The following CNBD2 variants were observed in gnomAD, a reference collection of about 807,000 sequenced individuals.
CNBD2 encodes the protein cyclic nucleotide-binding domain-containing protein 2.
CNBD2 carries 64 observed loss-of-function variants against 63.7 expected under a neutral mutation model. The ratio of observed to expected loss-of-function variants is 1.00; its 90% CI spans 0.82 to 1.24. The LOEUF (loss-of-function observed/expected upper bound fraction) is 1.24. Among genes scored for constraint, CNBD2 ranks in the 50% most tolerant of loss-of-function variants. The pLI is 0.00. For missense variants in CNBD2, 691 were observed against 713.5 expected (o/e 0.97, Z 0.36); for synonymous variants, 229 against 255.4 (o/e 0.90, Z 0.99).
intron 10 of CNBD2, among the ~76,000 whole-genome samples, chr20:36,014,567 G>A (rs1227634507): frequency 1.3e-5 from 2 of 151,678 alleles, no homozygotes; most frequent in African/African-American, 4.8e-5. Flanking sequence ...CTGACCTCAT[G>A]GTCCACCCAC....
upstream of CNBD2, chr20:35,954,643 A>C: frequency 7.7e-7 from 1 of 1,291,026 alleles, no homozygotes; most frequent in Non-Finnish European, 1.0e-6. Flanking sequence ...GCTCCTTCCG[A>C]ATGGTGGCGC....
In CNBD2 at chr20:35,984,051, C is replaced by G. The variant is rs1225790776; in HGVS notation, c.477C>G (p.Gly159=). ...KGNSFYFIYL[G]TVAITKDEDG... is the part of the protein sequence containing the mutation. Reference sequence around the variant, plus strand: ...ACAGCTTTTATTTCATCTACCTGGGCACAGTTGCAATAACCAAGGACGAGG... The same window carrying G: ...ACAGCTTTTATTTCATCTACCTGGGGACAGTTGCAATAACCAAGGACGAGG... The change falls in exon 5 of 12, where the codon GGC becomes GGG. Residue 159 remains glycine, a synonymous_variant. Coordinates refer to ENST00000373973, the MANE Select transcript of CNBD2 (RefSeq NM_001365709.1). 1 of 1,614,190 alleles carries G rather than the reference C, an allele frequency of 6.2e-7. No individual in the cohort carries two copies. The highest frequency in any genetic ancestry group is 1.7e-5 in the Admixed American group (1 of 60,028).
chr20:36,014,154 G>T (rs1411109561), intron 10 of CNBD2, among the ~76,000 whole-genome samples: 1 of 138,900 alleles, frequency 7.2e-6, no homozygotes, highest in Non-Finnish European at 1.5e-5. Flanking sequence ...CTGCACTCCA[G>T]CCTAGGTGAC....
intron 9 of CNBD2, among the ~76,000 whole-genome samples, chr20:36,009,501 C>T (rs765684917): frequency 6.6e-6 from 1 of 151,630 alleles, no homozygotes; most frequent in Admixed American, 6.6e-5. Context: ...CACGCCCAAC[C>T]GACCCTATCT....
At chr20:36,008,198 C>A in intron 8 of CNBD2, 99 bp from the exon 9 acceptor site, 1 of 978,876 alleles carries the variant, frequency 1.0e-6, no homozygotes, top group Non-Finnish European at 1.5e-6. Context: ...TGTGCTAGAC[C>A]ATCCAGGCAG....
upstream of CNBD2, among the ~76,000 whole-genome samples, chr20:35,966,076 T>C (rs1353494868): frequency 6.6e-6 from 1 of 152,192 alleles, no homozygotes; most frequent in East Asian, 1.9e-4. Flanking sequence ...TCTTGCTTTC[T>C]CCAGGCCCAG....
At chr20:35,962,427 T>G (rs1344022341) in intron 2 of CNBD2, among the ~76,000 whole-genome samples, 2 of 152,020 alleles carry the variant, frequency 1.3e-5, no homozygotes, top group Non-Finnish European at 2.9e-5. Context: ...CCCAGCTAAT[T>G]TTTTTTGTAT....
At chr20:36,000,605 G>A (rs547727288) in intron 8 of CNBD2, among the ~76,000 whole-genome samples, 1 of 152,208 alleles carries the variant, frequency 6.6e-6, no homozygotes, top group East Asian at 1.9e-4. Flanking sequence ...TGTCACCCAG[G>A]CTGGAGTGCA....
chr20:35,980,033 G>A (rs2056574892), intron 3 of CNBD2, among the ~76,000 whole-genome samples: 3 of 152,308 alleles, frequency 2.0e-5, no homozygotes, highest in African/African-American at 4.8e-5. Flanking sequence ...CACTTTGCTT[G>A]TTAGTCTCCT....
intron 4 of CNBD2, among the ~76,000 whole-genome samples, chr20:35,981,109 AT>A (rs1035232201): frequency 9.2e-5 from 14 of 152,192 alleles, no homozygotes; most frequent in Non-Finnish European, 1.8e-4. Flanking sequence ...TCAGGGTGTG[AT>A]TGGTGGAAAA....
intron 3 of CNBD2, among the ~76,000 whole-genome samples, chr20:35,979,639 A>G (rs748285461): frequency 2.0e-5 from 3 of 152,244 alleles, no homozygotes; most frequent in African/African-American, 7.2e-5. Flanking sequence ...GCAAGAGCCT[A>G]CTGGGGAAGG....
intron 1 of CNBD2, among the ~76,000 whole-genome samples, chr20:35,970,886 T>G (rs1046150292): frequency 1.3e-5 from 2 of 152,096 alleles, no homozygotes; most frequent in African/African-American, 4.8e-5. Flanking sequence ...TAGCTAACGA[T>G]GTACTTTTCA....
intron 8 of CNBD2, among the ~76,000 whole-genome samples, chr20:36,003,529 C>G (rs895783345): frequency 6.6e-6 from 1 of 152,096 alleles, no homozygotes; most frequent in Non-Finnish European, 1.5e-5. Context: ...TTGTGTATTT[C>G]AGAATGCCCC....
chr20:36,029,640 AT>A (rs1294907111), intron 11 of CNBD2, among the ~76,000 whole-genome samples: 13 of 152,240 alleles, frequency 8.5e-5, no homozygotes, highest in Non-Finnish European at 1.8e-4. Context: ...GCTTGTAGCC[AT>A]GCTGACCTCT....
chr20:36,008,510 T>C (rs376977547), intron 9 of CNBD2, 36 bp downstream of exon 9: 7 of 1,573,494 alleles, frequency 4.4e-6, no homozygotes, highest in Admixed American at 4.0e-5. Context: ...CGGGTCCAGA[T>C]TGTGGTTGCA....
At chr20:35,969,462 T>C (rs1338637339) in intron 1 of CNBD2, among the ~76,000 whole-genome samples, 1 of 150,642 alleles carries the variant, frequency 6.6e-6, no homozygotes, top group Non-Finnish European at 1.5e-5. Context: ...TTATTTCTCT[T>C]TAATAGTAAC....
chr20:35,970,019 G>A (rs1361289525), intron 1 of CNBD2, among the ~76,000 whole-genome samples: 1 of 152,186 alleles, frequency 6.6e-6, no homozygotes, highest in African/African-American at 2.4e-5. Context: ...GCTGGGGCAT[G>A]AAGGCTCATG....
At chr20:35,967,749 C>T (rs1385080891), upstream of CNBD2, among the ~76,000 whole-genome samples, 4 of 151,758 alleles carry the variant, frequency 2.6e-5, no homozygotes, top group Admixed American at 2.0e-4. Flanking sequence ...GCTACTTGGG[C>T]GGCTGAGGCA....
intron 8 of CNBD2, among the ~76,000 whole-genome samples, chr20:36,000,948 T>A (rs2056890057): frequency 6.8e-6 from 1 of 147,698 alleles, no homozygotes; most frequent in African/African-American, 2.6e-5. Flanking sequence ...TGGTGATGAC[T>A]CTTAACGAGC....
Sources: gnomAD v4.1 joint callset for allele counts (sites outside exome capture counted in the v4.1 genomes callset) on GRCh38, gnomAD v4.1.1 for gene constraint, MANE v1.5 for transcripts, NCBI Gene and HGNC (gene_info 2026-07-23, HGNC 2026-07-21) for gene names.